UBE2E2: variants seen among roughly 807,000 people sequenced by gnomAD.
UBE2E2 encodes ubiquitin conjugating enzyme E2 E2, also known as ubiquitin-conjugating enzyme E2 E2.
A neutral mutation model predicts 24.7 loss-of-function variants in UBE2E2; 6 were observed. The ratio of observed to expected loss-of-function variants is 0.24; its 90% CI spans 0.13 to 0.48. UBE2E2 has a LOEUF of 0.48. Ranked by LOEUF, UBE2E2 falls within the 20% of genes least tolerant of loss-of-function variation. UBE2E2 has a pLI of 0.99. For missense variants in UBE2E2, 169 were observed against 245.0 expected (o/e 0.69, Z 2.07); for synonymous variants, 104 against 83.6 (o/e 1.24, Z -1.33).
chr3:23,372,504 T>C (rs1696423375), intron 3 of UBE2E2, among the ~76,000 whole-genome samples: 1 of 152,250 alleles, frequency 6.6e-6, no homozygotes, highest in South Asian at 2.1e-4. Flanking sequence ...TTAACCTTGC[T>C]ATTTGTATTC....
chr3:23,306,796 C>G (rs890005700), intron 3 of UBE2E2, among the ~76,000 whole-genome samples: 1 of 152,280 alleles, frequency 6.6e-6, no homozygotes, highest in East Asian at 1.9e-4. Flanking sequence ...CCTTGCTCAA[C>G]TGATGGGTGC....
At chr3:23,462,980 G>A (rs1417382123) in intron 3 of UBE2E2, among the ~76,000 whole-genome samples, 6 of 152,126 alleles carry the variant, frequency 3.9e-5, no homozygotes, top group African/African-American at 4.8e-5. Context: ...CCATATAGTA[G>A]ACACTGTAGA....
intron 3 of UBE2E2, among the ~76,000 whole-genome samples, chr3:23,399,153 G>A (rs778506): frequency 0.57 from 87,082 of 151,916 alleles, 25,252 homozygotes; most frequent in East Asian, 0.67. Context: ...ATAGAACATC[G>A]TTTCTTACCA....
intron 4 of UBE2E2, among the ~76,000 whole-genome samples, chr3:23,502,039 G>A (rs1187768355): frequency 6.6e-6 from 1 of 152,166 alleles, no homozygotes; most frequent in Non-Finnish European, 1.5e-5. Flanking sequence ...AGATTCTGTA[G>A]ATAGATGTGT....
At chr3:23,221,959 T>C (rs1696660708) in intron 3 of UBE2E2, among the ~76,000 whole-genome samples, 1 of 152,220 alleles carries the variant, frequency 6.6e-6, no homozygotes, top group East Asian at 1.9e-4. Flanking sequence ...TAAAGTTCAG[T>C]GAATATACAT....
chr3:23,367,700 A>G (rs1002334147), intron 3 of UBE2E2, among the ~76,000 whole-genome samples: 2 of 152,206 alleles, frequency 1.3e-5, no homozygotes, highest in African/African-American at 2.4e-5. Context: ...ACAGGGTTGC[A>G]GAAACCCTAA....
At chr3:23,498,870 T>C (rs534893804) in intron 3 of UBE2E2, among the ~76,000 whole-genome samples, 1 of 152,276 alleles carries the variant, frequency 6.6e-6, no homozygotes, top group South Asian at 2.1e-4. Flanking sequence ...TGGGCCATAT[T>C]GTTTTCAGCA....
chr3:23,366,353 A>C (rs1172809609), intron 3 of UBE2E2, among the ~76,000 whole-genome samples: 1 of 152,192 alleles, frequency 6.6e-6, no homozygotes, highest in Non-Finnish European at 1.5e-5. Flanking sequence ...ACAAAGACGC[A>C]TGTGTGTGCT....
At chr3:23,217,561 G>A (rs1379100657) in intron 3 of UBE2E2, among the ~76,000 whole-genome samples, 2 of 152,024 alleles carry the variant, frequency 1.3e-5, no homozygotes, top group African/African-American at 4.8e-5. Flanking sequence ...GTAAGACAAT[G>A]AAATTATAGG....
chr3:23,255,399 G>A (rs1165340414), intron 3 of UBE2E2, among the ~76,000 whole-genome samples: 2 of 152,072 alleles, frequency 1.3e-5, no homozygotes, highest in East Asian at 1.9e-4. Flanking sequence ...AGGACAAGGA[G>A]TAATATTTAT....
chr3:23,261,359 G>A (rs1398327149), intron 3 of UBE2E2, among the ~76,000 whole-genome samples: 1 of 151,930 alleles, frequency 6.6e-6, no homozygotes, highest in African/African-American at 2.4e-5. Flanking sequence ...GTATATTTAA[G>A]GTATATGACA....
At chr3:23,549,123 A>G (rs1169829873) in intron 5 of UBE2E2, among the ~76,000 whole-genome samples, 1 of 152,256 alleles carries the variant, frequency 6.6e-6, no homozygotes, top group Non-Finnish European at 1.5e-5. Flanking sequence ...TATACTTTGT[A>G]AGCAGCACTG....
chr3:23,281,087 A>G (rs766597980), intron 3 of UBE2E2, among the ~76,000 whole-genome samples: 2 of 152,194 alleles, frequency 1.3e-5, no homozygotes, highest in Admixed American at 6.5e-5. Flanking sequence ...TCATGACCTA[A>G]TATAACCTCA....
chr3:23,238,596 ATC>A (rs1697178222), intron 3 of UBE2E2, among the ~76,000 whole-genome samples: 1 of 152,204 alleles, frequency 6.6e-6, no homozygotes, highest in South Asian at 2.1e-4. Flanking sequence ...CAGGTTGAGT[ATC>A]TCTTACCTGA....
chr3:23,430,259 G>C (rs1280633496), intron 3 of UBE2E2, among the ~76,000 whole-genome samples: 1 of 152,166 alleles, frequency 6.6e-6, no homozygotes, highest in Non-Finnish European at 1.5e-5. Context: ...ATGGTCATAT[G>C]ATTTGTGAAG....
chr3:23,216,898 AAT>A (rs1696491222), intron 2 of UBE2E2, among the ~76,000 whole-genome samples: 1 of 152,136 alleles, frequency 6.6e-6, no homozygotes. Context: ...GATTTAACTT[AAT>A]ATCAGCTTTC....
intron 3 of UBE2E2, among the ~76,000 whole-genome samples, chr3:23,223,579 C>T (rs1054898794): frequency 6.6e-6 from 1 of 152,008 alleles, no homozygotes; most frequent in Non-Finnish European, 1.5e-5. Flanking sequence ...ATCCCTTGTC[C>T]CTTGTCAGAT....
At chr3:23,351,488 C>T (rs367551032) in intron 3 of UBE2E2, among the ~76,000 whole-genome samples, 1 of 152,114 alleles carries the variant, frequency 6.6e-6, no homozygotes, top group Non-Finnish European at 1.5e-5. Flanking sequence ...TTCAGGAAAC[C>T]CATCTCATGG....
Position 23,591,120 on chromosome 3 carries a change from A to G in UBE2E2, c.*1289A>G, listed in dbSNP as rs1463621968. ...CTTCAGGCTATTTTAGTGTGCAGCT[A>G]TAGGAGGCAGAGGAAACGTGGGTGG... is the stretch of plus-strand genomic sequence containing the variant. On this transcript the variant is annotated 3_prime_UTR_variant, in exon 6 of 6. Transcript: ENST00000396703. 1 of 152,220 alleles carries G rather than the reference A, an allele frequency of 6.6e-6. No individual in the cohort carries two copies. Among genetic ancestry groups the G allele is most frequent in the Admixed American group, 6.5e-5 (1 of 15,276 alleles). 9.4% of individuals were successfully genotyped at this position (152,220 alleles called of 1,614,324 possible).
Sources: gnomAD v4.1 joint callset for allele counts (sites outside exome capture counted in the v4.1 genomes callset) on GRCh38, gnomAD v4.1.1 for gene constraint, MANE v1.5 for transcripts, NCBI Gene and HGNC (gene_info 2026-07-23, HGNC 2026-07-21) for gene names.